The following DPP6 variants were observed in gnomAD, a reference collection of about 807,000 sequenced individuals.
DPP6 encodes dipeptidyl peptidase like 6.
A neutral mutation model predicts 122.6 loss-of-function variants in DPP6; 69 were observed. The ratio of observed to expected loss-of-function variants is 0.56; its 90% CI spans 0.46 to 0.69. The LOEUF is 0.69. Among genes scored for constraint, DPP6 ranks in the 30% least tolerant of loss-of-function variants. The pLI is 0.00. For missense variants in DPP6, 928 were observed against 1,116.9 expected, an observed-to-expected ratio of 0.83 and a Z score of 2.41; for synonymous variants, 418 against 433.1, an observed-to-expected ratio of 0.97 and a Z score of 0.43.
At chr7:154,829,453 TG>T (rs1800452829) in intron 16 of DPP6, among the ~76,000 whole-genome samples, 1 of 18,152 alleles carries the variant, frequency 5.5e-5, no homozygotes, top group Non-Finnish European at 1.0e-4. Context: ...AGGGGAATGG[TG>T]GGGAGGGGAG....
At chr7:154,862,948 A>G (rs183145789) in intron 17 of DPP6, among the ~76,000 whole-genome samples, 5 of 152,330 alleles carry the variant, frequency 3.3e-5, no homozygotes, top group African/African-American at 1.2e-4. Flanking sequence ...CACACCTGTA[A>G]TCCCACGAAG....
chr7:154,876,132 G>C, intron 20 of DPP6, 32 bp downstream of exon 20: 1 of 1,536,044 alleles, frequency 6.5e-7, no homozygotes, highest in Middle Eastern at 2.3e-4. Context: ...AGGAGAGGCC[G>C]GGAGGGGACG....
chr7:153,821,293 A>G, the DPP6 span, among the ~76,000 whole-genome samples: 1 of 149,916 alleles, frequency 6.7e-6, no homozygotes, highest in South Asian at 2.1e-4. Flanking sequence ...TTTAAGAGGA[A>G]GTGCAGAGTA....
rs1587159363 is a variant in DPP6 at position 154,794,168 on chromosome 7, C to T, written c.1226C>T (p.Thr409Ile). Residue 409 changes from threonine to isoleucine, a missense_variant, in exon 11 of 26, where the codon ACC becomes ATC. By Grantham distance (89) the Thr-to-Ile change is moderately conservative. Transcript: ENST00000377770. ...LNRAQNVSIL[T>I]LCDATTGVCT... Reference sequence around the variant, plus strand: ...CGGGCGCAGAACGTGTCCATCCTCACCCTCTGCGACGCCACCACGGGGGTC... The same window carrying T: ...CGGGCGCAGAACGTGTCCATCCTCATCCTCTGCGACGCCACCACGGGGGTC... The T allele has an allele frequency of 6.2e-7, 1 of 1,611,932 alleles. No individual in the cohort carries two copies. The highest frequency in any genetic ancestry group is 2.2e-5 in the East Asian group (1 of 44,814).
intron 3 of DPP6, among the ~76,000 whole-genome samples, chr7:154,506,034 A>T (rs1022911945): frequency 6.6e-6 from 1 of 151,994 alleles, no homozygotes; most frequent in Non-Finnish European, 1.5e-5. Context: ...TTATTGAATC[A>T]TTTATTAATA....
At position 154,715,288 on chromosome 7, in the gene DPP6, C is replaced by T. The variant is rs188847048; in HGVS notation, c.763-12479C>T. On this transcript the variant is annotated intron_variant, in intron 7 of 25. Coordinates refer to ENST00000377770, the MANE Select transcript of DPP6 (RefSeq NM_130797.4). ...TTCACCTGGTTGGCCAGGCTGGTCT[C>T]GAACTCCTAACATCAGATGATCCAC... Among the ~76,000 whole-genome samples, 107 of 152,240 alleles carry T rather than the reference C, an allele frequency of 7.0e-4. No individual in the cohort carries two copies. In the East Asian group the frequency reaches 0.014, roughly 20 times the overall value.
At chr7:153,764,212 C>G in the DPP6 span, among the ~76,000 whole-genome samples, 1 of 152,176 alleles carries the variant, frequency 6.6e-6, no homozygotes, top group South Asian at 2.1e-4. Flanking sequence ...TTTCCTCTCT[C>G]TGAGCTTGAG....
intron 1 of DPP6, among the ~76,000 whole-genome samples, chr7:154,274,429 A>G (rs1383175334): frequency 6.6e-6 from 1 of 152,146 alleles, no homozygotes; most frequent in East Asian, 1.9e-4. Context: ...GATCTACATA[A>G]AGTCAGCTGA....
chr7:154,790,290 C>A (rs992932820), intron 10 of DPP6, among the ~76,000 whole-genome samples: 7 of 152,228 alleles, frequency 4.6e-5, no homozygotes, highest in Non-Finnish European at 8.8e-5. Context: ...TGAGATGTTG[C>A]TATGCGGGTC....
intron 1 of DPP6, among the ~76,000 whole-genome samples, chr7:154,153,392 G>T (rs2150690668): frequency 6.6e-6 from 1 of 152,222 alleles, no homozygotes; most frequent in Middle Eastern, 3.4e-3. Flanking sequence ...TCACCATGTT[G>T]GTCAGGCTGG....
At chr7:154,386,896 G>T (rs1334198978) in intron 1 of DPP6, among the ~76,000 whole-genome samples, 1 of 151,778 alleles carries the variant, frequency 6.6e-6, no homozygotes, top group African/African-American at 2.4e-5. Flanking sequence ...GCCAGGCTGT[G>T]GATGACGGAA....
intron 7 of DPP6, among the ~76,000 whole-genome samples, chr7:154,676,189 T>A (rs1039071339): frequency 6.6e-6 from 1 of 150,582 alleles, no homozygotes; most frequent in Non-Finnish European, 1.5e-5. Context: ...GCTACAGCCT[T>A]GCAGCGTGCT....
intron 1 of DPP6, among the ~76,000 whole-genome samples, chr7:154,291,970 C>G (rs1805241297): frequency 6.6e-6 from 1 of 152,134 alleles, no homozygotes; most frequent in African/African-American, 2.4e-5. Flanking sequence ...CATCAGGGGG[C>G]CAGTTAATCT....
chr7:153,929,377 G>A (rs919248911), intron 1 of DPP6, among the ~76,000 whole-genome samples: 2 of 152,142 alleles, frequency 1.3e-5, no homozygotes, highest in African/African-American at 4.8e-5. Flanking sequence ...TGTTGTGATT[G>A]GGAAAGCTGT....
At chr7:154,151,054 G>A (rs73729284) in intron 1 of DPP6, among the ~76,000 whole-genome samples, 3,155 of 152,304 alleles carry the variant, frequency 0.021, 101 homozygotes, top group African/African-American at 0.071. Flanking sequence ...TTCCTACAGC[G>A]GACTGACTAC....
chr7:154,865,843 C>T (rs74565139), intron 17 of DPP6, among the ~76,000 whole-genome samples: 1,798 of 152,288 alleles, frequency 0.012, 34 homozygotes, highest in African/African-American at 0.041. Flanking sequence ...AACCCAGACT[C>T]GTTACCATCT....
rs542456148 is a variant in DPP6 at position 154,118,345 on chromosome 7, C to A, written c.243+65282C>A. Among the ~76,000 whole-genome samples the A allele has an allele frequency of 6.7e-5, 10 of 149,170 alleles. No homozygotes were observed. The East Asian group carries it at 1.8e-3, about 26-fold the overall frequency. ...ACATATTAGCTTTTAGGTAGACACC[C>A]GTAGGTCTTAGGATGTGGTGGAAAA... On this transcript the variant is annotated intron_variant, in intron 1 of 25. Transcript: ENST00000377770.
chr7:154,259,267 T>C (rs559658486), intron 1 of DPP6, among the ~76,000 whole-genome samples: 3 of 152,346 alleles, frequency 2.0e-5, no homozygotes, highest in Non-Finnish European at 4.4e-5. Flanking sequence ...ATCAATTACA[T>C]TGAAACAAAG....
chr7:154,459,974 C>CTTTTTTTT (rs71184004), intron 2 of DPP6, among the ~76,000 whole-genome samples: 16 of 58,590 alleles, frequency 2.7e-4, no homozygotes, highest in Non-Finnish European at 3.4e-4. Context: ...TATTCATGTG[C>CTTTTTTTT]TTTTTTTTTT....
Sources: gnomAD v4.1 joint callset for allele counts (sites outside exome capture counted in the v4.1 genomes callset) on GRCh38, gnomAD v4.1.1 for gene constraint, MANE v1.5 for transcripts, NCBI Gene and HGNC (gene_info 2026-07-23, HGNC 2026-07-21) for gene names.